TENM2: variants seen among roughly 807,000 people sequenced by gnomAD.
TENM2 encodes the protein teneurin-2.
TENM2 carries 52 observed loss-of-function variants against 245.2 expected under a neutral mutation model. The observed-to-expected ratio is 0.21, with a 90% confidence interval of 0.17 to 0.27. The LOEUF is 0.27. TENM2 is among the 10% of genes least tolerant of loss of function. TENM2 has a pLI of 1.00. For missense variants in TENM2, 3,046 were observed against 3,666.8 expected, an observed-to-expected ratio of 0.83 and a Z score of 4.37; for synonymous variants, 1,363 against 1,438.9, an observed-to-expected ratio of 0.95 and a Z score of 1.19.
In TENM2 at chr5:167,757,615, G is replaced by A. The variant is rs137923742; in HGVS notation, c.503-118371G>A. On this transcript the variant is annotated intron_variant, in intron 2 of 28. Coordinates refer to ENST00000518659, the Ensembl canonical transcript of TENM2. ...CCTTTGGGTATATGCCCAGTAATGG[G>A]ATTGCTGGGTCAAATAGTATTTCTG... Among the ~76,000 whole-genome samples, 1,394 of 152,244 alleles carry A rather than the reference G, an allele frequency of 9.2e-3. 8 individuals are homozygous for A. The highest frequency in any genetic ancestry group is 0.034 in the Middle Eastern group (10 of 292).
chr5:167,727,077 C>CA (rs565936967), intron 2 of TENM2, among the ~76,000 whole-genome samples: 2 of 148,548 alleles, frequency 1.3e-5, no homozygotes, highest in South Asian at 4.3e-4. Flanking sequence ...CTACAGCTTG[C>CA]AAAATCAGTA....
At chr5:168,035,414 T>A (rs1787572034) in intron 5 of TENM2, among the ~76,000 whole-genome samples, 1 of 151,834 alleles carries the variant, frequency 6.6e-6, no homozygotes, top group African/African-American at 2.4e-5. Flanking sequence ...TGAGAATCCC[T>A]TGAACCTGGG....
intron 25 of TENM2, among the ~76,000 whole-genome samples, chr5:168,231,412 AG>A (rs1338146942): frequency 7.2e-5 from 11 of 152,254 alleles, no homozygotes; most frequent in Non-Finnish European, 1.5e-4. Context: ...GAGGCCAAAA[AG>A]GGAATGGCAT....
chr5:167,171,412 C>A, the TENM2 span, among the ~76,000 whole-genome samples: 2 of 152,114 alleles, frequency 1.3e-5, no homozygotes, highest in Non-Finnish European at 2.9e-5. Flanking sequence ...TTACTTTTAT[C>A]AGGCAGGGGC....
intron 2 of TENM2, among the ~76,000 whole-genome samples, chr5:167,384,518 G>A (rs569712431): frequency 2.0e-5 from 3 of 152,286 alleles, no homozygotes; most frequent in African/African-American, 7.2e-5. Flanking sequence ...TGATTGAGTA[G>A]CAGTAGAAAT....
chr5:168,117,776 TAA>T (rs1052091729), intron 9 of TENM2, among the ~76,000 whole-genome samples: 1 of 152,196 alleles, frequency 6.6e-6, no homozygotes, highest in Admixed American at 6.5e-5. Context: ...TTATTAGGAA[TAA>T]GAGTCGACTG....
At chr5:168,036,194 T>C (rs903143434) in intron 5 of TENM2, among the ~76,000 whole-genome samples, 1 of 152,110 alleles carries the variant, frequency 6.6e-6, no homozygotes, top group African/African-American at 2.4e-5. Flanking sequence ...ATAATGACCA[T>C]GTCGAATGTC....
At chr5:167,333,386 T>C (rs1002328191) in intron 1 of TENM2, among the ~76,000 whole-genome samples, 2 of 152,210 alleles carry the variant, frequency 1.3e-5, no homozygotes, top group Admixed American at 1.3e-4. Flanking sequence ...TTTAATGAGA[T>C]GATGTTCAGA....
chr5:168,003,653 G>T (rs932105689), intron 5 of TENM2, among the ~76,000 whole-genome samples: 1 of 152,128 alleles, frequency 6.6e-6, no homozygotes. Flanking sequence ...AAAAGCAATC[G>T]TTGTGAATTG....
At chr5:167,311,241 T>C (rs965544599) in intron 1 of TENM2, among the ~76,000 whole-genome samples, 1 of 152,178 alleles carries the variant, frequency 6.6e-6, no homozygotes, top group African/African-American at 2.4e-5. Flanking sequence ...GTACTCCTTT[T>C]TGCTGGTTAT....
intron 5 of TENM2, among the ~76,000 whole-genome samples, chr5:168,034,190 A>AC (rs1787453270): frequency 2.8e-5 from 4 of 140,684 alleles, no homozygotes; most frequent in African/African-American, 8.5e-5. Flanking sequence ...CACACACACA[A>AC]AAATTAATCA....
At chr5:168,189,101 T>C (rs532102001) in intron 13 of TENM2, among the ~76,000 whole-genome samples, 42 of 152,306 alleles carry the variant, frequency 2.8e-4, no homozygotes, top group Non-Finnish European at 4.4e-4. Context: ...AGTACTGAAG[T>C]GCTCTCTGGG....
chr5:168,232,167 G>A (rs1171653847), intron 25 of TENM2: 1 of 152,288 alleles, frequency 6.6e-6, no homozygotes, highest in African/African-American at 2.4e-5. Flanking sequence ...CAGTAAGGAG[G>A]GTGCTGCATT....
chr5:167,113,104 G>A, the TENM2 span, among the ~76,000 whole-genome samples: 1 of 152,150 alleles, frequency 6.6e-6, no homozygotes, highest in African/African-American at 2.4e-5. Flanking sequence ...GGAGTCAAAG[G>A]GAGTGGGAAA....
Position 168,244,723 on chromosome 5 carries a change from G to GT in TENM2, c.5817+7_5817+8insT. On this transcript the variant is annotated splice_region_variant and intron_variant, in intron 26 of 28. Coordinates refer to ENST00000518659, the Ensembl canonical transcript of TENM2. The surrounding 1 kb of genome is among the most constrained non-coding windows in gnomAD (Gnocchi z 4.9). ...CTACTCCTACCTTGACAAGGTAGGT[G>GT]AACATGCTGCCCTGACAGCAAGGGC... The GT allele has an allele frequency of 1.4e-6, 2 of 1,433,614 alleles. No homozygotes were observed. The highest frequency in any genetic ancestry group is 9.2e-7 in the Non-Finnish European group (1 of 1,083,696). 88.8% of individuals were successfully genotyped at this position (1,433,614 alleles called of 1,614,324 possible). A position where few individuals can be genotyped will look rare whatever the true frequency, so the allele number is the denominator to read the frequency against.
At chr5:167,514,722 A>G (rs1437225055) in intron 2 of TENM2, among the ~76,000 whole-genome samples, 1 of 152,154 alleles carries the variant, frequency 6.6e-6, no homozygotes, top group Non-Finnish European at 1.5e-5. Flanking sequence ...CCAAAGGAAC[A>G]ATATTTGCAA....
intron 2 of TENM2, among the ~76,000 whole-genome samples, chr5:167,566,603 A>G (rs1385498644): frequency 1.3e-5 from 2 of 152,214 alleles, no homozygotes; most frequent in Non-Finnish European, 2.9e-5. Context: ...GTAGCAGTGA[A>G]TGCGTTTTTC....
At chr5:168,084,778 A>G (rs1006729924) in intron 7 of TENM2, among the ~76,000 whole-genome samples, 1 of 152,170 alleles carries the variant, frequency 6.6e-6, no homozygotes, top group South Asian at 2.1e-4. Flanking sequence ...TACAGCCAAC[A>G]CCCAGCAAAG....
At chr5:167,828,972 C>T (rs1050586169) in intron 2 of TENM2, among the ~76,000 whole-genome samples, 2 of 152,184 alleles carry the variant, frequency 1.3e-5, no homozygotes, top group African/African-American at 4.8e-5. Flanking sequence ...TGCCTTGCCT[C>T]TTGTCGCCTA....
Sources: gnomAD v4.1 joint callset for allele counts (sites outside exome capture counted in the v4.1 genomes callset) on GRCh38, gnomAD v4.1.1 for gene constraint, Gnocchi (gnomAD v3.1) non-coding constraint, MANE v1.5 for transcripts, NCBI Gene and HGNC (gene_info 2026-07-23, HGNC 2026-07-21) for gene names.